Variants in ADGRL3 observed in about 807,000 individuals in gnomAD.
ADGRL3 encodes calcium-independent alpha-latrotoxin receptor 3.
A neutral mutation model predicts 153.5 loss-of-function variants in ADGRL3; 62 were observed. The observed-to-expected ratio is 0.40, with a 90% CI of 0.33 to 0.50. The LOEUF (loss-of-function observed/expected upper bound fraction) is 0.50, where lower values mean the gene tolerates loss of function less well. Among genes scored for constraint, ADGRL3 ranks in the 20% least tolerant of loss-of-function variants. ADGRL3 has a pLI of 0.47. For missense variants in ADGRL3, 1,641 were observed against 1,859.4 expected, an observed-to-expected ratio of 0.88 and a Z score of 2.16; for synonymous variants, 710 against 672.5, an observed-to-expected ratio of 1.06 and a Z score of -0.86.
At chr4:61,673,452 T>A (rs932082190) in intron 5 of ADGRL3, among the ~76,000 whole-genome samples, 1 of 151,754 alleles carries the variant, frequency 6.6e-6, no homozygotes, top group Non-Finnish European at 1.5e-5. Flanking sequence ...ACTTTAAAAA[T>A]AAACAATGAA....
intron 6 of ADGRL3, among the ~76,000 whole-genome samples, chr4:61,691,638 T>C (rs1254966710): frequency 6.6e-6 from 1 of 152,204 alleles, no homozygotes; most frequent in Non-Finnish European, 1.5e-5. Context: ...AAAAGTTTGC[T>C]ATAATTACTT....
intron 8 of ADGRL3, among the ~76,000 whole-genome samples, chr4:61,797,302 T>C (rs2097426681): frequency 6.6e-6 from 1 of 152,186 alleles, no homozygotes. Flanking sequence ...AAAGTATCAA[T>C]TGTTTAATTT....
At chr4:61,269,443 C>T (rs2093036206) in intron 1 of ADGRL3, among the ~76,000 whole-genome samples, 1 of 151,572 alleles carries the variant, frequency 6.6e-6, no homozygotes, top group Admixed American at 6.6e-5. Context: ...GTTGTGTAGC[C>T]TCATTGTACG....
rs190613974 is a variant in ADGRL3 at position 61,928,362 on chromosome 4, C to T, written c.2113-6478C>T. ...CAAAGAAAATGTATTCATCCTTTAG[C>T]GTCTAACTCAAAAATAAACATTTTC... On this transcript the variant is annotated intron_variant, in intron 13 of 26. Transcript: ENST00000683033. Among the ~76,000 whole-genome samples, 832 of 152,142 alleles carry T rather than the reference C, an allele frequency of 5.5e-3. 12 individuals are homozygous for T. Among genetic ancestry groups the T allele is most frequent in the African/African-American group, 0.019 (798 of 41,528 alleles).
chr4:61,724,360 A>C (rs2096290081), intron 6 of ADGRL3, among the ~76,000 whole-genome samples: 1 of 152,222 alleles, frequency 6.6e-6, no homozygotes, highest in Non-Finnish European at 1.5e-5. Flanking sequence ...ATAGTTTGAA[A>C]GGTTTTGCAG....
Position 61,587,387 on chromosome 4 carries a change from G to T in ADGRL3, c.420G>T (p.Gln140His), listed in dbSNP as rs1032600795. 17 of 1,612,466 alleles carry T rather than the reference G, an allele frequency of 1.1e-5. No individual in the cohort carries two copies. The highest frequency in any genetic ancestry group is 1.3e-5 in the African/African-American group (1 of 74,828). ...AAATTTGTGACTCTGACCCTGCTCA[G>T]ATGGAGAATATCCGATGTTATCTGC... is the stretch of plus-strand genomic sequence containing the variant. ...DDKICDSDPA[Q>H]MENIRCYLPD... Residue 140 changes from glutamine to histidine, a missense_variant, in exon 5 of 27, where the codon CAG (glutamine) becomes CAT (histidine). Physicochemically the swap from Gln to His is conservative, Grantham distance 24. This residue lies in a region of ADGRL3 where 213 missense variants were observed against 362.1 expected (regional missense o/e 0.59). Coordinates refer to ENST00000683033, the MANE Select transcript of ADGRL3 (RefSeq NM_001387552.1).
At chr4:61,541,609 C>T (rs1565901) in intron 4 of ADGRL3, among the ~76,000 whole-genome samples, 32,018 of 151,742 alleles carry the variant, frequency 0.21, 3,809 homozygotes, top group East Asian at 0.31. Flanking sequence ...ACTAAGAAAG[C>T]CAGAAGGTAG....
chr4:61,515,983 A>C (rs115075688), intron 3 of ADGRL3, among the ~76,000 whole-genome samples: 1,613 of 152,232 alleles, frequency 0.011, 20 homozygotes, highest in Middle Eastern at 0.024. Context: ...AGGCTATAAA[A>C]ATGGCATTCA....
intron 2 of ADGRL3, among the ~76,000 whole-genome samples, chr4:61,397,580 A>G (rs772644822): frequency 6.6e-6 from 1 of 151,584 alleles, no homozygotes; most frequent in Non-Finnish European, 1.5e-5. Flanking sequence ...TTCCTCACTT[A>G]CTTTTCCACC....
chr4:61,721,175 A>C (rs1007274621), intron 6 of ADGRL3, among the ~76,000 whole-genome samples: 1 of 152,160 alleles, frequency 6.6e-6, no homozygotes, highest in Admixed American at 6.5e-5. Context: ...GGATAGATGT[A>C]TATGTGAAGG....
In ADGRL3 at chr4:62,070,820, G is replaced by GT. The variant is rs1345598487; in HGVS notation, c.4545dup (p.Asp1516Ter). On this transcript the variant is annotated frameshift_variant, in exon 27 of 27. Transcript: ENST00000683033. LOFTEE classifies it high-confidence loss of function. ...TACTACCAGCTAGGTCGCGGCAGCA[G>GT]TGATGGATTTATAGTTCCTCCAAAC... is the stretch of plus-strand genomic sequence containing the variant. 6.4e-7 allele frequency: 1 copy of GT among 1,551,684 alleles called. No homozygotes were observed. The highest frequency in any genetic ancestry group is 8.7e-7 in the Non-Finnish European group (1 of 1,146,974).
chr4:61,936,162 C>A lies in ADGRL3; in HGVS notation c.2419+117C>A, dbSNP rs1260914245. 32 of 1,107,182 alleles carry A rather than the reference C, an allele frequency of 2.9e-5. 1 individual carries two copies. The East Asian group carries it at 7.9e-4, about 27-fold the overall frequency. 68.6% of individuals were successfully genotyped at this position (1,107,182 alleles called of 1,614,324 possible). ...AGCTTTTCCCCTCTTCCTCTTCCTA[C>A]ACTATTCTCTTTCTCCTCCTCTTCC... On this transcript the variant is annotated intron_variant, in intron 15 of 26. Transcript: ENST00000683033.
At chr4:61,909,987 A>G (rs1304584437) in intron 12 of ADGRL3, among the ~76,000 whole-genome samples, 2 of 152,154 alleles carry the variant, frequency 1.3e-5, no homozygotes, top group African/African-American at 4.8e-5. Flanking sequence ...TTGAATTTAT[A>G]ATTCTGTTTT....
intron 1 of ADGRL3, among the ~76,000 whole-genome samples, chr4:61,278,530 G>T (rs1010091964): frequency 2.6e-5 from 4 of 152,004 alleles, no homozygotes; most frequent in African/African-American, 4.8e-5. Flanking sequence ...TTGAGACGGA[G>T]TCTCACTCTG....
At chr4:61,620,733 C>A (rs568073996) in intron 5 of ADGRL3, among the ~76,000 whole-genome samples, 1 of 141,468 alleles carries the variant, frequency 7.1e-6, no homozygotes, top group African/African-American at 2.7e-5. Flanking sequence ...TTCTGCCTCT[C>A]GGGTTCAAGC....
chr4:61,218,836 C>T (rs137965637), intron 1 of ADGRL3, among the ~76,000 whole-genome samples: 4 of 152,222 alleles, frequency 2.6e-5, no homozygotes, highest in Admixed American at 2.6e-4. Context: ...TGAGATCTGG[C>T]TAGTAAGTAG....
At chr4:61,808,689 A>G (rs2097576553) in intron 8 of ADGRL3, among the ~76,000 whole-genome samples, 1 of 152,092 alleles carries the variant, frequency 6.6e-6, no homozygotes, top group Non-Finnish European at 1.5e-5. Context: ...AGGCATGTCC[A>G]ATTTTCCATC....
intron 1 of ADGRL3, among the ~76,000 whole-genome samples, chr4:61,283,353 G>A (rs1003096150): frequency 1.3e-5 from 2 of 152,020 alleles, no homozygotes; most frequent in African/African-American, 4.8e-5. Flanking sequence ...CACAAAAATT[G>A]ATCCCTAAGA....
At chr4:61,498,671 G>C (rs189476398) in intron 3 of ADGRL3, among the ~76,000 whole-genome samples, 190 of 152,168 alleles carry the variant, frequency 1.2e-3, no homozygotes, top group Non-Finnish European at 2.3e-3. Flanking sequence ...ACTTAATGTT[G>C]TTCATTTAGA....
Sources: gnomAD v4.1 joint callset for allele counts (sites outside exome capture counted in the v4.1 genomes callset) on GRCh38, gnomAD v4.1.1 for gene constraint, gnomAD v4.1.1 regional missense constraint, MANE v1.5 for transcripts, NCBI Gene and HGNC (gene_info 2026-07-23, HGNC 2026-07-21) for gene names.